KPNA3: variants seen among roughly 807,000 people sequenced by gnomAD.
KPNA3 encodes the protein karyopherin subunit alpha 3, also known as importin subunit alpha-4.
Under a neutral mutation model 73.8 loss-of-function variants are expected in KPNA3, and 13 were observed. The ratio of observed to expected loss-of-function variants is 0.18; its 90% CI spans 0.11 to 0.28. The LOEUF (loss-of-function observed/expected upper bound fraction) is 0.28, where lower values mean the gene tolerates loss of function less well. Among genes scored for constraint, KPNA3 ranks in the 10% least tolerant of loss-of-function variants. The probability of loss-of-function intolerance (pLI) is 1.00; values close to 1 mark genes in which losing one functional copy is unlikely to be tolerated. For missense variants in KPNA3, 360 were observed against 618.1 expected, an observed-to-expected ratio of 0.58 and a Z score of 4.43; for synonymous variants, 186 against 206.9, an observed-to-expected ratio of 0.90 and a Z score of 0.87.
chr13:49,758,970 A>G (rs1194433575), intron 1 of KPNA3, among the ~76,000 whole-genome samples: 1 of 152,206 alleles, frequency 6.6e-6, no homozygotes, highest in Non-Finnish European at 1.5e-5. Flanking sequence ...GTACAAGGTA[A>G]GCCTGCAATA....
intron 9 of KPNA3, 145 bp downstream of exon 9, chr13:49,721,810 A>C: frequency 6.0e-6 from 3 of 497,136 alleles, no homozygotes; most frequent in Non-Finnish European, 9.8e-6. Flanking sequence ...ACAGAGCAAG[A>C]CTCCGTTATC....
At chr13:49,707,627 T>C (rs1566332401) in intron 12 of KPNA3, among the ~76,000 whole-genome samples, 1 of 152,122 alleles carries the variant, frequency 6.6e-6, no homozygotes, top group Admixed American at 6.5e-5. Flanking sequence ...GGCCGGAACC[T>C]TTCTCTGCTG....
In KPNA3 at chr13:49,732,565, G is replaced by A. The variant is rs375195283; in HGVS notation, c.287+40C>T. The A allele has an allele frequency of 1.7e-5, 26 of 1,522,584 alleles. No individual in the cohort carries two copies. The Middle Eastern group carries it at 5.1e-4, about 30-fold the overall frequency. The allele number at this position is 1,522,584 out of a possible 1,614,324, so 94.3% of individuals were successfully genotyped here. A position where few individuals can be genotyped will look rare whatever the true frequency, so the allele number is the denominator to read the frequency against. On this transcript the variant is annotated intron_variant, in intron 5 of 16. Coordinates refer to ENST00000261667, the MANE Select transcript of KPNA3 (RefSeq NM_002267.4). ...CTAGACTACCAGGTAACACAACTGA[G>A]GAATGACATAATTCTCTCTCTAGAC...
At chr13:49,751,782 C>T (rs930626427) in intron 1 of KPNA3, among the ~76,000 whole-genome samples, 6 of 152,096 alleles carry the variant, frequency 3.9e-5, no homozygotes, top group South Asian at 2.1e-4. Context: ...GTGGCGTGCA[C>T]CTGTGGTCCC....
At chr13:49,720,163 T>C (rs1472595029) in intron 9 of KPNA3, among the ~76,000 whole-genome samples, 1 of 152,216 alleles carries the variant, frequency 6.6e-6, no homozygotes, top group Non-Finnish European at 1.5e-5. Flanking sequence ...AATATACAGT[T>C]ACAGCTATTT....
At chr13:49,769,968 C>T (rs1954839727) in intron 1 of KPNA3, among the ~76,000 whole-genome samples, 1 of 152,112 alleles carries the variant, frequency 6.6e-6, no homozygotes, top group South Asian at 2.1e-4. Context: ...TTTTGATTTG[C>T]ACTTCCCTAA....
intron 15 of KPNA3, among the ~76,000 whole-genome samples, chr13:49,704,203 C>T (rs1185630954): frequency 6.6e-6 from 1 of 152,080 alleles, no homozygotes; most frequent in Non-Finnish European, 1.5e-5. Flanking sequence ...GGGCAGATCA[C>T]CCGAGGTTGG....
At position 49,732,785 on chromosome 13, in the gene KPNA3, GA is replaced by G. The variant is rs750018832; in HGVS notation, c.205-10del. ...TCTAGGGTTACATTTTGCTTAAAAA[GA>G]AAAAAAAAATAGTTCAGCAGAGTTT... On this transcript the variant is annotated splice_polypyrimidine_tract_variant and intron_variant, in intron 3 of 16. Coordinates refer to ENST00000261667, the MANE Select transcript of KPNA3 (RefSeq NM_002267.4). 2,108 of 1,422,572 alleles carry G rather than the reference GA, an allele frequency of 1.5e-3. 1 individual carries two copies. Among genetic ancestry groups the G allele is most frequent in the Admixed American group, 2.6e-3 (123 of 47,242 alleles). The allele number at this position is 1,422,572 out of a possible 1,614,324, so 88.1% of individuals were successfully genotyped here.
At position 49,709,689 on chromosome 13, in the gene KPNA3, G is replaced by C. The variant is rs1181906754; in HGVS notation, c.915C>G (p.Leu305=). ...HQEVKVQTAA[L]RAVGNIVTGT... ...CAGTCACTATGTTGCCAACTGCTCT[G>C]AGGGCTGCTGTCTAGGGTGGGGATA... The change falls in exon 12 of 17, where the codon CTC becomes CTG. Residue 305 remains leucine, a synonymous_variant. Transcript: ENST00000261667. 2 of 1,613,764 alleles carry C rather than the reference G, an allele frequency of 1.2e-6. No individual in the cohort carries two copies. Among genetic ancestry groups the C allele is most frequent in the Non-Finnish European group, 1.7e-6 (2 of 1,179,884 alleles).
At chr13:49,752,530 A>G (rs1168050142) in intron 1 of KPNA3, among the ~76,000 whole-genome samples, 1 of 152,052 alleles carries the variant, frequency 6.6e-6, no homozygotes. Context: ...AAAATGATAG[A>G]AAATGTGAAA....
At chr13:49,726,834 T>C (rs563196661) in intron 6 of KPNA3, among the ~76,000 whole-genome samples, 2 of 151,846 alleles carry the variant, frequency 1.3e-5, no homozygotes, top group Admixed American at 1.3e-4. Context: ...TCCCAGCTAC[T>C]TGGGATGCTG....
At chr13:49,740,261 AAATT>A (rs1954561156) in intron 2 of KPNA3, among the ~76,000 whole-genome samples, 1 of 152,066 alleles carries the variant, frequency 6.6e-6, no homozygotes, top group African/African-American at 2.4e-5. Flanking sequence ...AAAAAAAAAA[AAATT>A]AACACATGCA....
chr13:49,733,956 A>T (rs77889268), intron 2 of KPNA3, among the ~76,000 whole-genome samples: 4,323 of 152,310 alleles, frequency 0.028, 212 homozygotes, highest in African/African-American at 0.098. Context: ...CTGTGCCAGA[A>T]AACCCACTCT....
chr13:49,776,844 T>G (rs903335739), intron 1 of KPNA3, among the ~76,000 whole-genome samples: 1 of 152,204 alleles, frequency 6.6e-6, no homozygotes, highest in Non-Finnish European at 1.5e-5. Flanking sequence ...CAAGTATATA[T>G]TATTTCAAAA....
intron 1 of KPNA3, among the ~76,000 whole-genome samples, chr13:49,787,681 A>ATT (rs35108432): frequency 3.3e-4 from 44 of 132,028 alleles, no homozygotes; most frequent in Non-Finnish European, 4.7e-4. Flanking sequence ...TAATTTTTGT[A>ATT]TTTTTTTTTT....
At chr13:49,737,712 G>C (rs902900750) in intron 2 of KPNA3, among the ~76,000 whole-genome samples, 1 of 151,988 alleles carries the variant, frequency 6.6e-6, no homozygotes, top group African/African-American at 2.4e-5. Flanking sequence ...GGGCTCAAGA[G>C]TTGTTTTTGC....
intron 6 of KPNA3, among the ~76,000 whole-genome samples, chr13:49,730,464 G>C (rs555619690): frequency 1.7e-5 from 2 of 119,038 alleles, no homozygotes; most frequent in African/African-American, 6.5e-5. Flanking sequence ...ACATTGCAGT[G>C]AGCCAAGATT....
rs537128938 is a variant in KPNA3, at chr13:49,711,070, C to T, written c.772-48G>A. The T allele has an allele frequency of 1.7e-5, 27 of 1,552,212 alleles. No individual in the cohort carries two copies. The East Asian group carries it at 4.1e-4, about 24-fold the overall frequency. ...ACCATTTTACATATTTGTTTGAATG[C>T]TTTACTTGTTCAACACACCTCAGGA... On this transcript the variant is annotated intron_variant, in intron 10 of 16. Coordinates refer to ENST00000261667, the MANE Select transcript of KPNA3 (RefSeq NM_002267.4).
At chr13:49,737,792 AG>A (rs1278191730) in intron 2 of KPNA3, among the ~76,000 whole-genome samples, 1 of 152,072 alleles carries the variant, frequency 6.6e-6, no homozygotes, top group Non-Finnish European at 1.5e-5. Context: ...CTGAGTTCTG[AG>A]AGTTCATTGT....
Sources: gnomAD v4.1 joint callset for allele counts (sites outside exome capture counted in the v4.1 genomes callset) on GRCh38, gnomAD v4.1.1 for gene constraint, MANE v1.5 for transcripts, NCBI Gene and HGNC (gene_info 2026-07-23, HGNC 2026-07-21) for gene names.